Variants in ECT2L observed in about 807,000 individuals in gnomAD.
ECT2L encodes the protein epithelial cell-transforming sequence 2 oncogene-like.
Under a neutral mutation model 122.8 loss-of-function variants are expected in ECT2L, and 126 were observed. The ratio of observed to expected loss-of-function variants is 1.03; its 90% confidence interval spans 0.89 to 1.19. The LOEUF (loss-of-function observed/expected upper bound fraction) is 1.19, where lower values mean the gene tolerates loss of function less well. Ranked by LOEUF, ECT2L falls within the 50% of genes most tolerant of loss-of-function variation. The pLI, the probability that ECT2L is intolerant of heterozygous loss-of-function variation, is 0.00. For synonymous variants in ECT2L, 385 were observed against 381.8 expected, an observed-to-expected ratio of 1.01 and a Z score of -0.10; for missense variants, 1,012 against 1,064.1, an observed-to-expected ratio of 0.95 and a Z score of 0.68.
At chr6:138,839,192 A>G (rs72987069) in intron 5 of ECT2L, among the ~76,000 whole-genome samples, 5,308 of 152,254 alleles carry the variant, frequency 0.035, 136 homozygotes, top group Non-Finnish European at 0.055. Context: ...CTAATCCCTT[A>G]TTGTCTTAAC....
chr6:138,858,130 G>A (rs192716421), intron 10 of ECT2L, among the ~76,000 whole-genome samples: 1 of 151,980 alleles, frequency 6.6e-6, no homozygotes, highest in African/African-American at 2.4e-5. Flanking sequence ...TTTTGGGTGG[G>A]GACACAGCCA....
chr6:138,857,035 C>T (rs1455365853), intron 10 of ECT2L, among the ~76,000 whole-genome samples: 1 of 152,160 alleles, frequency 6.6e-6, no homozygotes, highest in Non-Finnish European at 1.5e-5. Flanking sequence ...TTTTTATTCT[C>T]TGTCTTCCCT....
intron 9 of ECT2L, among the ~76,000 whole-genome samples, chr6:138,852,265 G>GA (rs1282692844): frequency 6.6e-6 from 1 of 151,168 alleles, no homozygotes; most frequent in African/African-American, 2.4e-5. Context: ...CTGTCTTAAA[G>GA]AAAAACAAAA....
At chr6:138,900,244 A>C (rs1379873804) in intron 20 of ECT2L, among the ~76,000 whole-genome samples, 1 of 151,268 alleles carries the variant, frequency 6.6e-6, no homozygotes, top group South Asian at 2.1e-4. Context: ...CTCTACCCCA[A>C]CTTATTATCT....
intron 10 of ECT2L, among the ~76,000 whole-genome samples, chr6:138,859,015 C>T (rs11155014): frequency 0.26 from 39,977 of 151,916 alleles, 6,534 homozygotes; most frequent in Admixed American, 0.38. Context: ...TTTTCCTTTT[C>T]CTTTTCTCTT....
At position 138,886,881 on chromosome 6, in the gene ECT2L, G is replaced by A; in HGVS notation, c.2284G>A (p.Asp762Asn). 1 of 1,613,520 alleles carries A rather than the reference G, an allele frequency of 6.2e-7. No homozygotes were observed. The highest frequency in any genetic ancestry group is 8.5e-7 in the Non-Finnish European group (1 of 1,179,766). ...DQMKQNITMK[D>N]HLSDIQRIIW... is the part of the protein sequence containing the mutation. The stretch of plus-strand genomic sequence containing the variant: ...GATGAAGCAAAACATCACTATGAAG[G>A]ATCATCTGTCAGATATACAGAGAAT... The change falls in exon 19 of 22, where the codon GAT (aspartate) becomes AAT (asparagine). Residue 762 changes from aspartate (D) to asparagine (N), a missense_variant. Coordinates refer to ENST00000541398, the MANE Select transcript of ECT2L (RefSeq NM_001077706.3).
At chr6:138,842,460 C>CA (rs564363081) in intron 5 of ECT2L, among the ~76,000 whole-genome samples, 1,830 of 143,540 alleles carry the variant, frequency 0.013, 37 homozygotes, top group African/African-American at 0.041. Context: ...GACTCCATCT[C>CA]AAAAAAAAAA....
In ECT2L at chr6:138,814,523, T is replaced by C. The variant is rs116280088; in HGVS notation, c.99T>C (p.His33=). Residue 33 remains histidine, a synonymous_variant, in exon 4 of 22, where the codon CAT becomes CAC. Transcript: ENST00000541398. ...AGGAAAGAGTGGCTCTTATAAGTCA[T>C]TGGTTTGACCTCTGGACTAACAAGC... ...LFQERVALIS[H]WFDLWTNKQR... 491 of 1,611,834 alleles carry C rather than the reference T, an allele frequency of 3.0e-4. 2 individuals are homozygous for C. In the African/African-American group the frequency reaches 6.1e-3, roughly 20 times the overall value.
Position 138,881,023 on chromosome 6 carries a change from G to C in ECT2L, c.1732G>C (p.Glu578Gln), listed in dbSNP as rs371124566. 6.2e-7 allele frequency: 1 copy of C among 1,614,148 alleles called. No individual in the cohort carries two copies. The highest frequency in any genetic ancestry group is 1.7e-5 in the Admixed American group (1 of 60,022). The change falls in exon 15 of 22, where the codon GAG (glutamate) becomes CAG (glutamine). Residue 578 changes from glutamate (E) to glutamine (Q), a missense_variant. Physicochemically the swap from Glu to Gln is conservative, Grantham distance 29. Transcript: ENST00000541398. ...ARVVRELLQSERKYVQILEIV... is the reference protein window; with the variant it reads ...ARVVRELLQSQRKYVQILEIV... ...AGTTGTCAGAGAACTCTTACAGAGTGAGAGAAAATACGTGCAGATACTGGA... is the reference window on the plus strand; with the variant it reads ...AGTTGTCAGAGAACTCTTACAGAGTCAGAGAAAATACGTGCAGATACTGGA...
chr6:138,824,018 A>G (rs1211238630), intron 4 of ECT2L, among the ~76,000 whole-genome samples: 1 of 149,438 alleles, frequency 6.7e-6, no homozygotes, highest in Non-Finnish European at 1.5e-5. Flanking sequence ...ATAGGAAAAT[A>G]ATTGTAACAG....
intron 13 of ECT2L, among the ~76,000 whole-genome samples, chr6:138,872,835 G>A (rs1003375836): frequency 6.6e-5 from 10 of 152,064 alleles, no homozygotes; most frequent in Non-Finnish European, 8.8e-5. Context: ...TCGAAACCCA[G>A]GCATACAGAT....
intron 8 of ECT2L, among the ~76,000 whole-genome samples, chr6:138,848,726 G>A (rs9389627): frequency 0.47 from 71,524 of 151,962 alleles, 17,927 homozygotes; most frequent in Middle Eastern, 0.65. Context: ...CATGCTGGCC[G>A]GGCATGGTGG....
chr6:138,863,216 A>G (rs1777902013), intron 11 of ECT2L, among the ~76,000 whole-genome samples: 1 of 152,212 alleles, frequency 6.6e-6, no homozygotes, highest in Non-Finnish European at 1.5e-5. Flanking sequence ...TTAGATTAAA[A>G]TGTAACACGG....
At chr6:138,860,211 T>C (rs1777775028) in intron 10 of ECT2L, among the ~76,000 whole-genome samples, 1 of 152,228 alleles carries the variant, frequency 6.6e-6, no homozygotes, top group African/African-American at 2.4e-5. Context: ...AAAAACGATT[T>C]ACCTAACCAA....
rs1777179189 is a variant in ECT2L at position 138,845,239 on chromosome 6, T to C, written c.764+659T>C. ...AGAATTTCTTTTTAACTTTTAACTT[T>C]GGATTTTTTTTTTTTTTTTTTGAGA... On this transcript the variant is annotated intron_variant, in intron 7 of 21. Transcript: ENST00000541398. 2.1e-5 allele frequency among the ~76,000 whole-genome samples: 3 copies of C among 141,376 alleles called. No homozygotes were observed. In the South Asian group the frequency reaches 7.0e-4, roughly 33 times the overall value. The allele number at this position is 141,376 out of a possible 152,430, so 92.7% of individuals were successfully genotyped here. A position where few individuals can be genotyped will look rare whatever the true frequency, so the allele number is the denominator to read the frequency against.
chr6:138,854,000 A>C, intron 9 of ECT2L, 26 bp from the exon 10 acceptor site: 1 of 1,608,808 alleles, frequency 6.2e-7, no homozygotes, highest in South Asian at 1.1e-5. Context: ...ACAAGCTAAT[A>C]TGACATTTTG....
chr6:138,878,604 A>G (rs984667169), intron 14 of ECT2L, among the ~76,000 whole-genome samples: 2 of 151,900 alleles, frequency 1.3e-5, no homozygotes, highest in Non-Finnish European at 2.9e-5. Flanking sequence ...GTGCTACCAC[A>G]CCCAGCTAAT....
chr6:138,815,308 G>T (rs964977660), intron 4 of ECT2L, among the ~76,000 whole-genome samples: 1 of 152,186 alleles, frequency 6.6e-6, no homozygotes, highest in Admixed American at 6.5e-5. Flanking sequence ...AAAACAACCC[G>T]TGGCTTGTTA....
intron 4 of ECT2L, chr6:138,823,426 T>C (rs1055470260): frequency 1.9e-6 from 3 of 1,608,628 alleles, no homozygotes; most frequent in African/African-American, 2.7e-5. Context: ...GCAAGGACAC[T>C]CATGAAGATG....
Sources: gnomAD v4.1 joint callset for allele counts (sites outside exome capture counted in the v4.1 genomes callset) on GRCh38, gnomAD v4.1.1 for gene constraint, MANE v1.5 for transcripts, NCBI Gene and HGNC (gene_info 2026-07-23, HGNC 2026-07-21) for gene names.